Variants in RCC2 observed in about 807,000 individuals in gnomAD.
RCC2 encodes the protein regulator of chromosome condensation 2, also known as protein RCC2.
RCC2 carries 19 observed loss-of-function variants against 64.1 expected under a neutral mutation model. The ratio of observed to expected loss-of-function variants is 0.30; its 90% CI spans 0.21 to 0.44. RCC2 has a LOEUF of 0.44. RCC2 is among the 20% of genes least tolerant of loss of function. The pLI, the probability that RCC2 is intolerant of heterozygous loss-of-function variation, is 1.00. For synonymous variants in RCC2, 325 were observed against 279.6 expected (o/e 1.16, Z -1.62); for missense variants, 508 against 710.4 (o/e 0.72, Z 3.24).
At position 17,438,423 on chromosome 1, in the gene RCC2, G is replaced by C. The variant is rs895336495; in HGVS notation, c.92C>G (p.Pro31Arg). ...GGGCCGCTCGCGCTTCCTGCCCGCCGGGCCGCCGCGTTTCCTGGGCCCGGC... is the reference window on the plus strand; with the variant it reads ...GGGCCGCTCGCGCTTCCTGCCCGCCCGGCCGCCGCGTTTCCTGGGCCCGGC... ...ARAGPRKRGG[P>R]AGRKRERPER... is the part of the protein sequence containing the mutation. The change falls in exon 2 of 13, where the codon CCG becomes CGG. Residue 31 changes from proline (P) to arginine (R), a missense_variant. By Grantham distance (103) the Pro-to-Arg change is moderately radical (BLOSUM62 -2). Transcript: ENST00000375436. The C allele has an allele frequency of 2.4e-6, 3 of 1,275,958 alleles. No homozygotes were observed. Among genetic ancestry groups the C allele is most frequent in the Admixed American group, 4.2e-5 (1 of 23,920 alleles). The allele number at this position is 1,275,958 out of a possible 1,614,324, so 79.0% of individuals were successfully genotyped here. A position where few individuals can be genotyped will look rare whatever the true frequency, so the allele number is the denominator to read the frequency against.
intron 2 of RCC2, among the ~76,000 whole-genome samples, chr1:17,435,703 G>C (rs1182166013): frequency 6.6e-6 from 1 of 152,224 alleles, no homozygotes; most frequent in African/African-American, 2.4e-5. Context: ...GACCACCTGA[G>C]ATCAGGAGTT....
intron 9 of RCC2, 51 bp from the exon 10 acceptor site, chr1:17,413,229 G>A: frequency 7.8e-7 from 1 of 1,287,546 alleles, no homozygotes; most frequent in Non-Finnish European, 1.1e-6. Context: ...CGAGAGCTGA[G>A]TCTCATCTTC....
At chr1:17,436,103 G>C (rs997997046) in intron 2 of RCC2, among the ~76,000 whole-genome samples, 1 of 152,160 alleles carries the variant, frequency 6.6e-6, no homozygotes, top group Non-Finnish European at 1.5e-5. Flanking sequence ...GGAAGATGTA[G>C]CTTTTAGAGT....
At chr1:17,418,996 TC>T (rs1198247056) in intron 7 of RCC2, among the ~76,000 whole-genome samples, 5 of 152,156 alleles carry the variant, frequency 3.3e-5, no homozygotes, top group African/African-American at 7.2e-5. Flanking sequence ...CAGAAGCTAC[TC>T]CAGAAAACAT....
At chr1:17,427,075 A>C (rs942465084) in intron 3 of RCC2, among the ~76,000 whole-genome samples, 10 of 152,154 alleles carry the variant, frequency 6.6e-5, no homozygotes, top group Non-Finnish European at 1.3e-4. Context: ...TAATTTTTGA[A>C]ATTGAGATGC....
intron 7 of RCC2, 21 bp downstream of exon 7, chr1:17,420,693 T>C (rs1314861597): frequency 1.3e-6 from 2 of 1,495,512 alleles, no homozygotes; most frequent in Non-Finnish European, 9.1e-7. Flanking sequence ...TACAGAGCTT[T>C]TAAAAAATGT....
At chr1:17,416,078 A>AAGG (rs1491422092) in intron 8 of RCC2, among the ~76,000 whole-genome samples, 2 of 50,814 alleles carry the variant, frequency 3.9e-5, no homozygotes, top group African/African-American at 1.7e-4. Flanking sequence ...CAAAAAAAAA[A>AAGG]GGGGGGGGGG....
At chr1:17,434,873 G>A (rs1365084405) in intron 2 of RCC2, among the ~76,000 whole-genome samples, 2 of 152,366 alleles carry the variant, frequency 1.3e-5, no homozygotes, top group East Asian at 3.9e-4. Flanking sequence ...AGCACTTTGG[G>A]AGGCGGGCAA....
chr1:17,410,595 G>A (rs1056250242), intron 11 of RCC2, among the ~76,000 whole-genome samples: 1 of 152,194 alleles, frequency 6.6e-6, no homozygotes, highest in Non-Finnish European at 1.5e-5. Context: ...AGCTAAGGGG[G>A]AGTCTTGTGC....
Position 17,413,358 on chromosome 1 carries a change from T to G in RCC2, c.1207+179A>C, listed in dbSNP as rs1261879794. 2.6e-5 allele frequency among the ~76,000 whole-genome samples: 4 copies of G among 152,110 alleles called. No homozygotes were observed. In the East Asian group the frequency reaches 7.7e-4, roughly 29 times the overall value. On this transcript the variant is annotated intron_variant, in intron 9 of 12. Transcript: ENST00000375436. ...CTAGCTACTCAGGACGCTGTGGTGGTAGGACTGCTTGAGCCCAGGAGTTCG... is the reference window on the plus strand; with the variant it reads ...CTAGCTACTCAGGACGCTGTGGTGGGAGGACTGCTTGAGCCCAGGAGTTCG...
chr1:17,431,359 A>ATAAAAATAT lies in RCC2; in HGVS notation c.286-2161_286-2160insATATTTTTA, dbSNP rs1265674393. Among the ~76,000 whole-genome samples, 303 of 44,936 alleles carry ATAAAAATAT rather than the reference A, an allele frequency of 6.7e-3. 38 individuals are homozygous for ATAAAAATAT. The South Asian group carries it at 0.1, about 15-fold the overall frequency. The allele number at this position is 44,936 out of a possible 152,430, so 29.5% of individuals were successfully genotyped here. On this transcript the variant is annotated intron_variant, in intron 2 of 12. Coordinates refer to ENST00000375436, the MANE Select transcript of RCC2 (RefSeq NM_018715.4). ...AAAAAAAAAAAAAAAAAAAAAAAAAAATATATATATATATATATATATGTG... is the reference window on the plus strand; with the variant it reads ...AAAAAAAAAAAAAAAAAAAAAAAAAATAAAAATATATATATATATATATATATATATGTG...
rs547926748 is a variant in RCC2, at chr1:17,424,727, C to T, written c.523+814G>A. On this transcript the variant is annotated intron_variant, in intron 4 of 12. Transcript: ENST00000375436. ...GACTAAAAGCTAGCCAGAGGACCAG[C>T]GACAAAGGGTGGGGACAAACGCCAA... Among the ~76,000 whole-genome samples the T allele has an allele frequency of 7.9e-4, 120 of 152,252 alleles. 1 individual carries two copies. Among genetic ancestry groups the T allele is most frequent in the African/African-American group, 2.8e-3 (116 of 41,550 alleles).
In RCC2 at chr1:17,434,045, A is replaced by C. The variant is rs901687042; in HGVS notation, c.285+4185T>G. Among the ~76,000 whole-genome samples the C allele has an allele frequency of 2.1e-4, 32 of 152,356 alleles. No homozygotes were observed. In the East Asian group the frequency reaches 2.3e-3, roughly 11 times the overall value. On this transcript the variant is annotated intron_variant, in intron 2 of 12. Coordinates refer to ENST00000375436, the MANE Select transcript of RCC2 (RefSeq NM_018715.4). ...TTGCAACACTCACCTGTTTTGTAGG[A>C]TCTGGCCAAGGCTGCTGCCTTTACT... is the stretch of plus-strand genomic sequence containing the variant.
chr1:17,430,802 T>C (rs1392322341), intron 2 of RCC2, among the ~76,000 whole-genome samples: 3 of 150,968 alleles, frequency 2.0e-5, no homozygotes, highest in Non-Finnish European at 4.4e-5. Flanking sequence ...GATCTCGGCT[T>C]GCTGCAACCT....
chr1:17,410,149 A>G, intron 11 of RCC2, 98 bp from the exon 12 acceptor site: 1 of 1,071,704 alleles, frequency 9.3e-7, no homozygotes, highest in Non-Finnish European at 1.4e-6. Context: ...ACTAACCAGA[A>G]GCCAGTGATG....
At chr1:17,416,977 A>C (rs2075493977) in intron 7 of RCC2, among the ~76,000 whole-genome samples, 1 of 152,242 alleles carries the variant, frequency 6.6e-6, no homozygotes, top group African/African-American at 2.4e-5. Context: ...GTTGCAAAAG[A>C]AAACTTATTT....
At chr1:17,418,055 G>A (rs1262843876) in intron 7 of RCC2, among the ~76,000 whole-genome samples, 1 of 152,012 alleles carries the variant, frequency 6.6e-6, no homozygotes, top group African/African-American at 2.4e-5. Context: ...AGGTACTTGA[G>A]CATCTTAAGA....
chr1:17,421,502 A>G (rs540521646), intron 6 of RCC2, among the ~76,000 whole-genome samples: 21 of 152,094 alleles, frequency 1.4e-4, no homozygotes, highest in African/African-American at 4.8e-4. Context: ...TCCCCTCCAA[A>G]AAAAAAAGAC....
rs574329581 is a variant in RCC2 at position 17,418,143 on chromosome 1, G to A, written c.860-1497C>T. Among the ~76,000 whole-genome samples the A allele has an allele frequency of 1.3e-3, 201 of 151,626 alleles. No homozygotes were observed. In the Middle Eastern group the frequency reaches 0.014, roughly 10 times the overall value. On this transcript the variant is annotated intron_variant, in intron 7 of 12. Transcript: ENST00000375436. Reference sequence around the variant, plus strand: ...AACTGCACCCTGGAATCACAACTACGCTACACACAATAAAACTCCTGGGCT... The same window carrying A: ...AACTGCACCCTGGAATCACAACTACACTACACACAATAAAACTCCTGGGCT...
Sources: allele counts gnomAD v4.1 joint callset (sites outside exome capture counted in the v4.1 genomes callset), GRCh38; gene constraint gnomAD v4.1.1; transcripts MANE v1.5; gene names NCBI Gene and HGNC (gene_info 2026-07-23, HGNC 2026-07-21).